VKORC1L1: variants seen among roughly 807,000 people sequenced by gnomAD.
The protein encoded by VKORC1L1 is vitamin K epoxide reductase complex subunit 1-like protein 1.
Under a neutral mutation model 18.9 loss-of-function variants are expected in VKORC1L1, and 2 were observed. The ratio of observed to expected loss-of-function variants is 0.11; its 90% CI spans 0.04 to 0.33. VKORC1L1 has a LOEUF of 0.33. VKORC1L1 is among the 10% of genes least tolerant of loss of function. The probability of loss-of-function intolerance (pLI) is 1.00; values close to 1 mark genes in which losing one functional copy is unlikely to be tolerated. For missense variants in VKORC1L1, 123 were observed against 224.1 expected (o/e 0.55, Z 2.88); for synonymous variants, 96 against 100.0 (o/e 0.96, Z 0.24).
At chr7:65,888,244 A>G (rs1160125696) in intron 1 of VKORC1L1, among the ~76,000 whole-genome samples, 1 of 152,200 alleles carries the variant, frequency 6.6e-6, no homozygotes, top group Non-Finnish European at 1.5e-5. Context: ...CCCTGGGAGA[A>G]ATACTTATAT....
intron 1 of VKORC1L1, among the ~76,000 whole-genome samples, chr7:65,926,142 A>AATT (rs58145133): frequency 0.12 from 16,934 of 146,618 alleles, 2,820 homozygotes; most frequent in African/African-American, 0.37. Context: ...AATTTTAATG[A>AATT]ATTATTATTA....
chr7:65,906,209 C>T (rs889788228), intron 1 of VKORC1L1, among the ~76,000 whole-genome samples: 7 of 151,442 alleles, frequency 4.6e-5, no homozygotes, highest in African/African-American at 9.7e-5. Flanking sequence ...CCAAGGTGGG[C>T]GGATCACCTG....
intron 1 of VKORC1L1, among the ~76,000 whole-genome samples, chr7:65,946,980 CCA>C (rs1790128801): frequency 1.4e-5 from 2 of 146,298 alleles, no homozygotes; most frequent in African/African-American, 2.5e-5. Context: ...TAAAAAAATA[CCA>C]AAAAAAAAAT....
intron 1 of VKORC1L1, among the ~76,000 whole-genome samples, chr7:65,875,271 G>A (rs916054459): frequency 2.6e-5 from 4 of 152,068 alleles, no homozygotes; most frequent in African/African-American, 4.8e-5. Flanking sequence ...AACTTGTTTT[G>A]CAGGTAGTTT....
chr7:65,871,163 TA>T (rs557441987), upstream of VKORC1L1, among the ~76,000 whole-genome samples: 385 of 152,278 alleles, frequency 2.5e-3, 2 homozygotes, highest in Admixed American at 0.021. Context: ...GGGCTGGACC[TA>T]GGGACTATTT....
chr7:65,913,122 A>G (rs1189803488), intron 1 of VKORC1L1, among the ~76,000 whole-genome samples: 2 of 152,156 alleles, frequency 1.3e-5, no homozygotes, highest in African/African-American at 2.4e-5. Context: ...TGCTCCCTCC[A>G]CAGATCTGAA....
At position 65,948,911 on chromosome 7, in the gene VKORC1L1, T is replaced by C. The variant is rs1583868229; in HGVS notation, c.304+131T>C. Reference sequence around the variant, plus strand: ...ACTAGCGTGTACAACATTTTTGTGTTATGAAAACTTGATTCACTGAGATTT... The same window carrying C: ...ACTAGCGTGTACAACATTTTTGTGTCATGAAAACTTGATTCACTGAGATTT... On this transcript the variant is annotated intron_variant, in intron 2 of 2. Coordinates refer to ENST00000360768, the MANE Select transcript of VKORC1L1 (RefSeq NM_173517.6). 1.5e-5 allele frequency: 18 copies of C among 1,168,268 alleles called. No individual in the cohort carries two copies. In the East Asian group the frequency reaches 4.9e-4, roughly 32 times the overall value. The allele number at this position is 1,168,268 out of a possible 1,614,324, so 72.4% of individuals were successfully genotyped here.
At chr7:65,883,723 C>A (rs1788966534) in intron 1 of VKORC1L1, among the ~76,000 whole-genome samples, 1 of 152,132 alleles carries the variant, frequency 6.6e-6, no homozygotes, top group Non-Finnish European at 1.5e-5. Flanking sequence ...TGGTCTCGAC[C>A]TCCTGACCTC....
intron 1 of VKORC1L1, among the ~76,000 whole-genome samples, chr7:65,930,374 G>T (rs1439526713): frequency 6.6e-6 from 1 of 152,218 alleles, no homozygotes. Context: ...TTGGCGTGGA[G>T]GAGCTGGAAG....
At chr7:65,874,846 T>G (rs1788799352) in intron 1 of VKORC1L1, among the ~76,000 whole-genome samples, 1 of 152,110 alleles carries the variant, frequency 6.6e-6, no homozygotes, top group Non-Finnish European at 1.5e-5. Flanking sequence ...TTTTAAAAAT[T>G]GACTTGTCTT....
chr7:65,949,986 T>C (rs542887061), intron 2 of VKORC1L1, among the ~76,000 whole-genome samples: 1 of 152,334 alleles, frequency 6.6e-6, no homozygotes, highest in East Asian at 1.9e-4. Flanking sequence ...AACACAGATA[T>C]TTTCAATTTT....
At chr7:65,880,989 A>C (rs1484152069) in intron 1 of VKORC1L1, among the ~76,000 whole-genome samples, 4 of 152,222 alleles carry the variant, frequency 2.6e-5, no homozygotes, top group Non-Finnish European at 5.9e-5. Context: ...TTGGCACTCA[A>C]AGTTTTGGAT....
intron 1 of VKORC1L1, among the ~76,000 whole-genome samples, chr7:65,899,773 G>A (rs1158129405): frequency 3.3e-5 from 5 of 152,142 alleles, no homozygotes; most frequent in African/African-American, 1.2e-4. Flanking sequence ...GCTGAGACAG[G>A]CGGATCATCT....
intron 1 of VKORC1L1, among the ~76,000 whole-genome samples, chr7:65,908,362 G>A (rs900481671): frequency 4.6e-5 from 7 of 151,858 alleles, no homozygotes; most frequent in African/African-American, 1.4e-4. Context: ...GCAGTGAGCC[G>A]AGATCGCGCC....
chr7:65,923,555 A>G (rs906133807), intron 1 of VKORC1L1, among the ~76,000 whole-genome samples: 5 of 152,182 alleles, frequency 3.3e-5, no homozygotes, highest in African/African-American at 9.7e-5. Flanking sequence ...TGGCTGGAGC[A>G]TATGTAGTTA....
At chr7:65,896,212 A>C (rs1789209758) in intron 1 of VKORC1L1, among the ~76,000 whole-genome samples, 1 of 150,772 alleles carries the variant, frequency 6.6e-6, no homozygotes, top group Admixed American at 6.6e-5. Context: ...CCATTATCTC[A>C]CTTCTTTTGT....
At chr7:65,879,752 CTTTT>C (rs1355262657) in intron 1 of VKORC1L1, among the ~76,000 whole-genome samples, 1 of 149,714 alleles carries the variant, frequency 6.7e-6, no homozygotes, top group Non-Finnish European at 1.5e-5. Context: ...TCCTTCCTTC[CTTTT>C]CTTTATTTTT....
In VKORC1L1 at chr7:65,923,369, C is replaced by T. The variant is rs538605016; in HGVS notation, c.195-25302C>T. Among the ~76,000 whole-genome samples, 5 of 151,470 alleles carry T rather than the reference C, an allele frequency of 3.3e-5. No individual in the cohort carries two copies. In the South Asian group the frequency reaches 1.0e-3, roughly 32 times the overall value. Reference sequence around the variant, plus strand: ...GCAGTGAGTTGTGATTGCACCACTGCACTCCAGCCTAGGCGATAGAGACCC... The same window carrying T: ...GCAGTGAGTTGTGATTGCACCACTGTACTCCAGCCTAGGCGATAGAGACCC... On this transcript the variant is annotated intron_variant, in intron 1 of 2. Coordinates refer to ENST00000360768, the MANE Select transcript of VKORC1L1 (RefSeq NM_173517.6).
At chr7:65,895,469 AAAAAAAAAAAAAT>A (rs1187199918) in intron 1 of VKORC1L1, among the ~76,000 whole-genome samples, 5 of 53,996 alleles carry the variant, frequency 9.3e-5, no homozygotes, top group Admixed American at 2.6e-4. Context: ...AAAAAAAAAA[AAAAAAAAAAAAAT>A]ATATATATAT....
Sources: allele counts gnomAD v4.1 joint callset (sites outside exome capture counted in the v4.1 genomes callset), GRCh38; gene constraint gnomAD v4.1.1; transcripts MANE v1.5; gene names NCBI Gene and HGNC (gene_info 2026-07-23, HGNC 2026-07-21).